GRIK2: variants seen among roughly 807,000 people sequenced by gnomAD.
GRIK2 encodes glutamate receptor ionotropic, kainate 2.
In GRIK2, 32 loss-of-function variants were observed where a neutral mutation model predicts 100.3. That is an observed-to-expected ratio of 0.32 (90% confidence interval 0.24 to 0.43). The LOEUF is 0.43. Ranked by LOEUF, GRIK2 falls within the 20% of genes least tolerant of loss-of-function variation. The probability of loss-of-function intolerance (pLI) is 1.00; values close to 1 mark genes in which losing one functional copy is unlikely to be tolerated. For synonymous variants in GRIK2, 417 were observed against 389.4 expected (o/e 1.07, Z -0.83); for missense variants, 843 against 1,114.9 (o/e 0.76, Z 3.47).
At chr6:101,574,079 G>T (rs1487135732) in intron 2 of GRIK2, among the ~76,000 whole-genome samples, 2 of 151,198 alleles carry the variant, frequency 1.3e-5, no homozygotes, top group Non-Finnish European at 3.0e-5. Flanking sequence ...GGTCTTGATT[G>T]TATTTTCTAT....
At chr6:101,580,565 A>G (rs957529882) in intron 2 of GRIK2, among the ~76,000 whole-genome samples, 4 of 152,098 alleles carry the variant, frequency 2.6e-5, no homozygotes, top group Admixed American at 2.6e-4. Flanking sequence ...TTTGAACACA[A>G]TATTCAAAGT....
intron 4 of GRIK2, among the ~76,000 whole-genome samples, chr6:101,628,949 A>C (rs967424167): frequency 6.6e-6 from 1 of 152,072 alleles, no homozygotes; most frequent in Non-Finnish European, 1.5e-5. Flanking sequence ...TTTATTTAAT[A>C]TATGTGGGTC....
intron 14 of GRIK2, among the ~76,000 whole-genome samples, chr6:101,950,697 T>A (rs1311214640): frequency 6.6e-6 from 1 of 152,156 alleles, no homozygotes; most frequent in African/African-American, 2.4e-5. Context: ...TTGTTTTTCA[T>A]TTTTTTCTTT....
At chr6:101,975,793 G>GTCTGTCTATCTATCTGTCTGTCTATCTA (rs1793328591) in intron 14 of GRIK2, among the ~76,000 whole-genome samples, 1 of 96,936 alleles carries the variant, frequency 1.0e-5, no homozygotes, top group African/African-American at 3.5e-5. Context: ...CTGTCTGTCT[G>GTCTGTCTATCTATCTGTCTGTCTATCTA]TCTATCTATC....
In GRIK2 at chr6:101,815,743, ACCTCTGGTGACAATTT is replaced by A. The variant is rs1162383404; in HGVS notation, c.1204-2622_1204-2607del. ...TTTTTTGCCATTAAAACAAAACAAA[ACCTCTGGTGACAATTT>A]CCTCAATGGAAGAAAGTTTTGAATC... is the stretch of plus-strand genomic sequence containing the variant. On this transcript the variant is annotated intron_variant, in intron 9 of 16. Transcript: ENST00000369134. 2.6e-5 allele frequency among the ~76,000 whole-genome samples: 4 copies of A among 152,284 alleles called. No homozygotes were observed. In the East Asian group the frequency reaches 7.7e-4, roughly 29 times the overall value.
chr6:101,426,403 A>G (rs1040392361), intron 2 of GRIK2, among the ~76,000 whole-genome samples: 10 of 152,308 alleles, frequency 6.6e-5, no homozygotes, highest in African/African-American at 2.2e-4. Context: ...CTGCCACGCT[A>G]TTGAACACTA....
rs543973582 is a variant in GRIK2, at chr6:101,396,245, C to G, written c.-294+2408C>G. On this transcript the variant is annotated intron_variant, in intron 1 of 16. Coordinates refer to ENST00000369134, the MANE Select transcript of GRIK2 (RefSeq NM_021956.5). ...TATAGGGATGTAAATTTAGCATTCC[C>G]CCCCCCCCCAGGAAGTGAGTGAGTT... is the stretch of plus-strand genomic sequence containing the variant. 7.3e-5 allele frequency among the ~76,000 whole-genome samples: 10 copies of G among 137,220 alleles called. No homozygotes were observed. In the South Asian group the frequency reaches 1.2e-3, roughly 17 times the overall value. 90.0% of individuals were successfully genotyped at this position (137,220 alleles called of 152,430 possible). A position where few individuals can be genotyped will look rare whatever the true frequency, so the allele number is the denominator to read the frequency against.
chr6:101,778,488 C>T (rs1339543907), intron 7 of GRIK2, among the ~76,000 whole-genome samples: 3 of 152,106 alleles, frequency 2.0e-5, no homozygotes, highest in South Asian at 2.1e-4. Context: ...AAGTCTTGAG[C>T]AAAGAGTGAA....
At chr6:101,543,963 T>C (rs1298962675) in intron 2 of GRIK2, among the ~76,000 whole-genome samples, 1 of 152,078 alleles carries the variant, frequency 6.6e-6, no homozygotes, top group Non-Finnish European at 1.5e-5. Context: ...CAGAGTATAA[T>C]ATAGCAGAAG....
At chr6:101,957,780 A>C (rs1304633) in intron 14 of GRIK2, among the ~76,000 whole-genome samples, 71,567 of 151,562 alleles carry the variant, frequency 0.47, 16,958 homozygotes, top group South Asian at 0.53. Flanking sequence ...TTTATTGAAT[A>C]GGATGTCTTT....
intron 12 of GRIK2, among the ~76,000 whole-genome samples, chr6:101,922,129 TTCCTTCCTTCCC>T (rs1268361975): frequency 0.015 from 484 of 31,524 alleles, 23 homozygotes; most frequent in African/African-American, 0.077. Flanking sequence ...CCTTCCTTCC[TTCCTTCCTTCCC>T]TCCCTTCCTC....
chr6:101,535,223 G>A (rs1431613042), intron 2 of GRIK2, among the ~76,000 whole-genome samples: 1 of 151,634 alleles, frequency 6.6e-6, no homozygotes, highest in African/African-American at 2.4e-5. Context: ...CCTCTATAAA[G>A]GCATGATGTG....
chr6:101,875,357 C>G (rs1785751284), intron 11 of GRIK2, among the ~76,000 whole-genome samples: 1 of 151,828 alleles, frequency 6.6e-6, no homozygotes, highest in Admixed American at 6.6e-5. Context: ...AGTACTATCG[C>G]TAGTCATTTA....
At chr6:101,455,730 CAT>C (rs1471062977) in intron 2 of GRIK2, among the ~76,000 whole-genome samples, 2 of 152,034 alleles carry the variant, frequency 1.3e-5, no homozygotes, top group Non-Finnish European at 2.9e-5. Context: ...ATGAACATGA[CAT>C]AAAACCAGAT....
chr6:101,830,898 A>G (rs1782635324), intron 10 of GRIK2, among the ~76,000 whole-genome samples: 1 of 152,038 alleles, frequency 6.6e-6, no homozygotes, highest in South Asian at 2.1e-4. Context: ...TCTCACTTAT[A>G]AGTGGGAGCT....
At chr6:101,541,250 A>G (rs982503125) in intron 2 of GRIK2, among the ~76,000 whole-genome samples, 1 of 152,044 alleles carries the variant, frequency 6.6e-6, no homozygotes, top group African/African-American at 2.4e-5. Context: ...TATGACTTCC[A>G]GACCCACCAG....
intron 14 of GRIK2, among the ~76,000 whole-genome samples, chr6:101,956,718 C>G (rs1241703055): frequency 1.3e-5 from 2 of 150,610 alleles, no homozygotes; most frequent in African/African-American, 4.9e-5. Context: ...TGATTTCATT[C>G]TTTTTTATGG....
At chr6:101,589,110 G>A (rs72959173) in intron 2 of GRIK2, among the ~76,000 whole-genome samples, 23,813 of 152,078 alleles carry the variant, frequency 0.16, 2,274 homozygotes, top group Middle Eastern at 0.26. Flanking sequence ...ATAGTGGAGT[G>A]GAGGGGGCTG....
intron 2 of GRIK2, among the ~76,000 whole-genome samples, chr6:101,557,809 T>C (rs1776818776): frequency 1.3e-5 from 2 of 152,232 alleles, no homozygotes; most frequent in Admixed American, 6.5e-5. Context: ...TTAGCACCAA[T>C]GCCTTCTTTA....
Sources: gnomAD v4.1 joint callset for allele counts (sites outside exome capture counted in the v4.1 genomes callset) on GRCh38, gnomAD v4.1.1 for gene constraint, MANE v1.5 for transcripts, NCBI Gene and HGNC (gene_info 2026-07-23, HGNC 2026-07-21) for gene names.